PARVB: variants seen among roughly 807,000 people sequenced by gnomAD.
The protein encoded by PARVB is beta-parvin.
In PARVB, 46 loss-of-function variants were observed where a neutral mutation model predicts 47.0. The observed-to-expected ratio is 0.98, with a 90% CI of 0.77 to 1.25. The LOEUF is 1.25. Ranked by LOEUF, PARVB falls within the 50% of genes most tolerant of loss-of-function variation. The probability of loss-of-function intolerance (pLI) is 0.00; values close to 1 mark genes in which losing one functional copy is unlikely to be tolerated. For missense variants in PARVB, 473 were observed against 471.6 expected (o/e 1.00, Z -0.03); for synonymous variants, 196 against 196.3 (o/e 1.00, Z 0.01).
Position 44,125,648 on chromosome 22 carries a change from G to A in PARVB, c.377-5839G>A, listed in dbSNP as rs1369249434. ...GGAGGCGGGGCCCAGGTGGCAGAGA[G>A]GGAGGGAGAGAGCCAAGAGATGAGG... On this transcript the variant is annotated intron_variant, in intron 4 of 12. Transcript: ENST00000338758. This position sits in a 1 kb window ranked among gnomAD's most constrained non-coding sequence, Gnocchi z 4.1. Among the ~76,000 whole-genome samples the A allele has an allele frequency of 1.3e-5, 2 of 152,178 alleles. No individual in the cohort carries two copies. Among genetic ancestry groups the A allele is most frequent in the Admixed American group, 6.5e-5 (1 of 15,280 alleles).
At chr22:44,106,511 A>G (rs1318691729) in intron 3 of PARVB, 1 of 152,094 alleles carries the variant, frequency 6.6e-6, no homozygotes, top group Non-Finnish European at 1.5e-5. Context: ...TGCAGGCCTG[A>G]GCAGATCAGG....
intron 1 of PARVB, among the ~76,000 whole-genome samples, chr22:44,080,403 A>G (rs907163481): frequency 6.6e-6 from 1 of 152,178 alleles, no homozygotes; most frequent in African/African-American, 2.4e-5. Context: ...CAACTTGCAG[A>G]GGCACCTGCG....
At chr22:44,093,175 G>A (rs921971126) in intron 1 of PARVB, among the ~76,000 whole-genome samples, 1 of 152,202 alleles carries the variant, frequency 6.6e-6, no homozygotes, top group Non-Finnish European at 1.5e-5. Flanking sequence ...GGCACCTGGT[G>A]TCTGTGTGGG....
chr22:44,132,314 T>C (rs2053346024), intron 5 of PARVB, among the ~76,000 whole-genome samples: 1 of 152,076 alleles, frequency 6.6e-6, no homozygotes, highest in African/African-American at 2.4e-5. Flanking sequence ...GCTGGGTCCG[T>C]GGGTGGGGAA....
intron 12 of PARVB, among the ~76,000 whole-genome samples, chr22:44,165,017 G>T (rs941083166): frequency 6.6e-6 from 1 of 152,096 alleles, no homozygotes; most frequent in Non-Finnish European, 1.5e-5. Context: ...TTTTGAGACA[G>T]GGTCTCACTC....
At chr22:44,153,781 G>A (rs781466379) in intron 10 of PARVB, among the ~76,000 whole-genome samples, 5 of 152,000 alleles carry the variant, frequency 3.3e-5, no homozygotes, top group Non-Finnish European at 5.9e-5. Context: ...TCGATCTATC[G>A]GTCTGTCTAT....
chr22:44,031,798 T>C (rs777211293), intron 1 of PARVB, among the ~76,000 whole-genome samples: 22 of 152,286 alleles, frequency 1.4e-4, no homozygotes, highest in Non-Finnish European at 3.2e-4. Flanking sequence ...TCATCCCTGC[T>C]GCGAGTATGG....
At position 44,164,410 on chromosome 22, in the gene PARVB, C is replaced by CA. The variant is rs964531074; in HGVS notation, c.1018+480_1018+481insA. 8.2e-3 allele frequency among the ~76,000 whole-genome samples: 100 copies of CA among 12,232 alleles called. No individual in the cohort carries two copies. In the African/African-American group the frequency reaches 0.095, roughly 12 times the overall value. The allele number at this position is 12,232 out of a possible 152,430, so 8.0% of individuals were successfully genotyped here. On this transcript the variant is annotated intron_variant, in intron 12 of 12. Coordinates refer to ENST00000338758, the MANE Select transcript of PARVB (RefSeq NM_013327.5). ...CTGGGGCGGGCGGTTGCTTCCCTGT[C>CA]CCCCCCCCGGCTCCTGTGCCAAGTT...
intron 1 of PARVB, among the ~76,000 whole-genome samples, chr22:44,034,706 C>CT (rs34429203): frequency 0.011 from 1,138 of 107,560 alleles, 32 homozygotes; most frequent in African/African-American, 0.021. Flanking sequence ...CCACGTGTAA[C>CT]TTTTTTTTTT....
At chr22:44,074,348 G>T (rs1278388315) in intron 1 of PARVB, among the ~76,000 whole-genome samples, 1 of 152,228 alleles carries the variant, frequency 6.6e-6, no homozygotes, top group Non-Finnish European at 1.5e-5. Context: ...CTGGGCTCTG[G>T]CTAGTGGCGC....
rs1569134623 is a variant in PARVB, at chr22:44,122,580, G to GAGACACAGAGAC, written c.376+3443_376+3444insCACAGAGACAGA. Among the ~76,000 whole-genome samples, 21 of 137,026 alleles carry GAGACACAGAGAC rather than the reference G, an allele frequency of 1.5e-4. 1 individual carries two copies. Among genetic ancestry groups the GAGACACAGAGAC allele is most frequent in the African/African-American group, 6.5e-4 (21 of 32,166 alleles). 89.9% of individuals were successfully genotyped at this position (137,026 alleles called of 152,430 possible). A position where few individuals can be genotyped will look rare whatever the true frequency, so the allele number is the denominator to read the frequency against. ...ACAGAGACAGAGAGAGAGAGAGAGA[G>GAGACACAGAGAC]AGAGAGAGAGAGAGAGAGAGAGAGA... On this transcript the variant is annotated intron_variant, in intron 4 of 12. Coordinates refer to ENST00000338758, the MANE Select transcript of PARVB (RefSeq NM_013327.5).
chr22:44,081,603 G>A (rs1013977582), intron 1 of PARVB: 37 of 985,156 alleles, frequency 3.8e-5, no homozygotes, highest in Admixed American at 6.2e-5. Flanking sequence ...CTGCACGGCC[G>A]TTTCTGCTTT....
intron 1 of PARVB, among the ~76,000 whole-genome samples, chr22:44,034,474 G>T (rs2050884313): frequency 6.6e-6 from 1 of 151,700 alleles, no homozygotes; most frequent in Admixed American, 6.6e-5. Context: ...AGACACTGTA[G>T]CCTTGAACTC....
At chr22:44,158,486 G>A (rs566537954) in intron 11 of PARVB, among the ~76,000 whole-genome samples, 12 of 152,264 alleles carry the variant, frequency 7.9e-5, no homozygotes, top group East Asian at 3.9e-4. Flanking sequence ...TGTTACCAGC[G>A]TCTTTCCATT....
At chr22:44,026,654 G>C (rs2052352745) in intron 1 of PARVB, among the ~76,000 whole-genome samples, 1 of 152,200 alleles carries the variant, frequency 6.6e-6, no homozygotes, top group African/African-American at 2.4e-5. Context: ...CCCTGACTTT[G>C]GGCCGTCAGA....
At chr22:44,063,258 G>T (rs368897590) in intron 1 of PARVB, among the ~76,000 whole-genome samples, 9 of 149,612 alleles carry the variant, frequency 6.0e-5, no homozygotes, top group African/African-American at 2.2e-4. Flanking sequence ...ATGGAGTCTC[G>T]GTCTGTCACC....
chr22:44,045,203 A>G (rs2051093532), intron 1 of PARVB, among the ~76,000 whole-genome samples: 1 of 152,164 alleles, frequency 6.6e-6, no homozygotes, highest in Non-Finnish European at 1.5e-5. Context: ...GCAGTGAGTT[A>G]TGATTGCACC....
intron 3 of PARVB, chr22:44,109,101 C>T (rs955079567): frequency 1.3e-5 from 2 of 152,238 alleles, no homozygotes; most frequent in Non-Finnish European, 2.9e-5. Flanking sequence ...CTTTGTCTCT[C>T]CGAAGAAAAT....
intron 1 of PARVB, among the ~76,000 whole-genome samples, chr22:44,078,639 C>G (rs1278640136): frequency 6.6e-6 from 1 of 152,216 alleles, no homozygotes; most frequent in African/African-American, 2.4e-5. Context: ...GTCACAGGTT[C>G]CTGGGACTTG....
Sources: gnomAD v4.1 joint callset for allele counts (sites outside exome capture counted in the v4.1 genomes callset) on GRCh38, gnomAD v4.1.1 for gene constraint, Gnocchi (gnomAD v3.1) non-coding constraint, MANE v1.5 for transcripts, NCBI Gene and HGNC (gene_info 2026-07-23, HGNC 2026-07-21) for gene names.